The following CPS1 variants were observed in gnomAD, a reference collection of about 807,000 sequenced individuals.
CPS1 encodes carbamoyl-phosphate synthase [ammonia], mitochondrial.
Under a neutral mutation model 174.6 loss-of-function variants are expected in CPS1, and 109 were observed. The ratio of observed to expected loss-of-function variants is 0.62; its 90% CI spans 0.53 to 0.73. CPS1 has a LOEUF of 0.73. CPS1 is among the 30% of genes least tolerant of loss of function. CPS1 has a pLI of 0.00. For synonymous variants in CPS1, 637 were observed against 632.0 expected (o/e 1.01, Z -0.12); for missense variants, 1,689 against 1,821.9 (o/e 0.93, Z 1.33).
At chr2:210,639,887 T>TGAG (rs1700163091) in intron 23 of CPS1, 109 bp from the exon 24 acceptor site, 8 of 801,448 alleles carry the variant, frequency 1.0e-5, no homozygotes, top group Non-Finnish European at 1.7e-5. Flanking sequence ...GAATACATGT[T>TGAG]AACAAGAGGA....
At chr2:210,545,567 T>C (rs1227565959) in intron 1 of CPS1, among the ~76,000 whole-genome samples, 2 of 152,092 alleles carry the variant, frequency 1.3e-5, no homozygotes, top group Admixed American at 1.3e-4. Flanking sequence ...CGATGCCTTA[T>C]GTATTTATAG....
At chr2:210,497,385 A>G (rs1695015868) in intron 1 of CPS1, among the ~76,000 whole-genome samples, 1 of 152,074 alleles carries the variant, frequency 6.6e-6, no homozygotes, top group African/African-American at 2.4e-5. Context: ...ATTTTTATTT[A>G]ATTTTTTTAT....
At chr2:210,564,180 A>G (rs1697201902) in intron 1 of CPS1, among the ~76,000 whole-genome samples, 1 of 152,186 alleles carries the variant, frequency 6.6e-6, no homozygotes, top group African/African-American at 2.4e-5. Flanking sequence ...ACATTGAAAT[A>G]TTGTTTGACA....
chr2:210,587,716 A>G lies in CPS1; in HGVS notation c.622-342A>G, dbSNP rs1574557366. Among the ~76,000 whole-genome samples, 9 of 152,246 alleles carry G rather than the reference A, an allele frequency of 5.9e-5. No homozygotes were observed. The South Asian group carries it at 1.9e-3, about 32-fold the overall frequency. On this transcript the variant is annotated intron_variant, in intron 6 of 37. Transcript: ENST00000233072. ...ACATCTGTCTAGTGCTGAATCAGGCAATAATGCTTAAACATTTCATTGCTA... is the reference window on the plus strand; with the variant it reads ...ACATCTGTCTAGTGCTGAATCAGGCGATAATGCTTAAACATTTCATTGCTA...
At chr2:210,604,648 C>A (rs1340199226) in intron 16 of CPS1, among the ~76,000 whole-genome samples, 1 of 151,914 alleles carries the variant, frequency 6.6e-6, no homozygotes, top group Non-Finnish European at 1.5e-5. Flanking sequence ...TCCTCCTCAT[C>A]AACATCAACT....
chr2:210,658,230 T>C, intron 30 of CPS1: 2 of 297,918 alleles, frequency 6.7e-6, no homozygotes, highest in Non-Finnish European at 1.3e-5. Context: ...TCCCAGCAGG[T>C]AGGTCATTAC....
At chr2:210,608,087 C>T (rs1013035664) in intron 18 of CPS1, among the ~76,000 whole-genome samples, 16 of 151,748 alleles carry the variant, frequency 1.1e-4, no homozygotes, top group African/African-American at 3.4e-4. Flanking sequence ...ATAAAGCTAT[C>T]GATTTTGGGT....
intron 1 of CPS1, among the ~76,000 whole-genome samples, chr2:210,491,568 C>A (rs1025470918): frequency 2.0e-5 from 3 of 152,132 alleles, no homozygotes; most frequent in Admixed American, 2.0e-4. Context: ...CTGCCTTGGA[C>A]TCCCAAAGTG....
chr2:210,636,713 A>G (rs7572146), intron 21 of CPS1, among the ~76,000 whole-genome samples: 10,704 of 152,034 alleles, frequency 0.07, 543 homozygotes, highest in African/African-American at 0.14. Context: ...CAAGAAGTTC[A>G]GTGTGGATGA....
In CPS1 at chr2:210,591,871, G is replaced by C; in HGVS notation, c.988G>C (p.Ala330Pro). 6.2e-7 allele frequency: 1 copy of C among 1,612,498 alleles called. No homozygotes were observed. The highest frequency in any genetic ancestry group is 8.5e-7 in the Non-Finnish European group (1 of 1,179,068). ...TGTTTTGAATATCACAAACAAACAG[G>C]CTTTCATTACTGCTCAGAATCATGG... ...QPVLNITNKQ[A>P]FITAQNHGYA... Residue 330 changes from alanine to proline, a missense_variant, in exon 10 of 38, where the codon GCT becomes CCT. Physicochemically the swap from Ala to Pro is conservative, Grantham distance 27 (BLOSUM62 -1). Transcript: ENST00000233072.
chr2:210,514,329 T>C (rs1022844149), intron 1 of CPS1, among the ~76,000 whole-genome samples: 1 of 152,076 alleles, frequency 6.6e-6, no homozygotes, highest in Non-Finnish European at 1.5e-5. Context: ...AAAATGTTTT[T>C]CCATTTGTTT....
chr2:210,579,422 A>G (rs534701659), intron 4 of CPS1, among the ~76,000 whole-genome samples: 54 of 152,188 alleles, frequency 3.5e-4, no homozygotes, highest in Non-Finnish European at 6.5e-4. Flanking sequence ...ATGTGATTTA[A>G]CTTACTTAAC....
chr2:210,664,208 G>A (rs1014105010), intron 33 of CPS1, among the ~76,000 whole-genome samples: 2 of 152,102 alleles, frequency 1.3e-5, no homozygotes, highest in African/African-American at 2.4e-5. Context: ...ATCTCCAGTC[G>A]GTTTAAGGAG....
intron 1 of CPS1, among the ~76,000 whole-genome samples, chr2:210,505,771 C>T (rs888313176): frequency 6.6e-6 from 1 of 152,160 alleles, no homozygotes; most frequent in Non-Finnish European, 1.5e-5. Context: ...GGTCCTATGC[C>T]CACGGAGACT....
intron 21 of CPS1, 45 bp from the exon 22 acceptor site, chr2:210,637,657 T>C (rs1474395061): frequency 6.2e-7 from 1 of 1,608,662 alleles, no homozygotes; most frequent in Non-Finnish European, 8.5e-7. Context: ...CGCTTTTTAT[T>C]GTTTTTGGTC....
At chr2:210,490,631 T>C (rs559184540) in intron 1 of CPS1, among the ~76,000 whole-genome samples, 3 of 152,192 alleles carry the variant, frequency 2.0e-5, no homozygotes, top group Non-Finnish European at 4.4e-5. Context: ...TTAATGGTAA[T>C]AGGATATATC....
intron 33 of CPS1, among the ~76,000 whole-genome samples, chr2:210,665,595 A>G (rs181398610): frequency 0.027 from 4,138 of 150,630 alleles, 75 homozygotes; most frequent in Admixed American, 0.039. Context: ...TTGTCCTTGC[A>G]ATAGTTTACT....
intron 27 of CPS1, among the ~76,000 whole-genome samples, chr2:210,649,683 A>G (rs765664159): frequency 1.3e-5 from 2 of 152,226 alleles, no homozygotes; most frequent in Non-Finnish European, 2.9e-5. Flanking sequence ...GCTGTTTAAA[A>G]GCAAAGTAAT....
At chr2:210,677,489 C>T (rs1224695442) in intron 37 of CPS1, among the ~76,000 whole-genome samples, 1 of 152,156 alleles carries the variant, frequency 6.6e-6, no homozygotes, top group African/African-American at 2.4e-5. Flanking sequence ...AATGATGGTC[C>T]AGATGTAGCA....
Sources: allele counts gnomAD v4.1 joint callset (sites outside exome capture counted in the v4.1 genomes callset), GRCh38; gene constraint gnomAD v4.1.1; transcripts MANE v1.5; gene names NCBI Gene and HGNC (gene_info 2026-07-23, HGNC 2026-07-21).